The following FMO3 variants were observed in gnomAD, a reference collection of about 807,000 sequenced individuals.
The protein encoded by FMO3 is flavin-containing monooxygenase 3.
In FMO3, 40 loss-of-function variants were observed where a neutral mutation model predicts 39.4. That is an observed-to-expected ratio of 1.02 (90% CI 0.79 to 1.32). FMO3 has a LOEUF of 1.32. FMO3 is among the 40% of genes most tolerant of loss of function. The pLI is 0.00. For synonymous variants in FMO3, 219 were observed against 228.8 expected, an observed-to-expected ratio of 0.96 and a Z score of 0.39; for missense variants, 680 against 651.8, an observed-to-expected ratio of 1.04 and a Z score of -0.47.
chr1:171,096,025 A>ATATATTTATATATAATATATATT (rs1491256935), intron 2 of FMO3, among the ~76,000 whole-genome samples: 1 of 45,972 alleles, frequency 2.2e-5, no homozygotes, highest in Non-Finnish European at 3.6e-5. Flanking sequence ...ATTATATATT[A>ATATATTTATATATAATATATATT]ATATATAATA....
intron 8 of FMO3, 81 bp from the exon 9 acceptor site, chr1:171,117,019 T>C (rs1296641042): frequency 3.8e-6 from 4 of 1,050,296 alleles, no homozygotes; most frequent in Admixed American, 1.7e-5. Flanking sequence ...CTCACTGATA[T>C]AAAGTTGCGA....
At chr1:171,115,659 A>C (rs1268718114) in intron 7 of FMO3, among the ~76,000 whole-genome samples, 1 of 152,198 alleles carries the variant, frequency 6.6e-6, no homozygotes, top group Non-Finnish European at 1.5e-5. Flanking sequence ...GAACTCTGCA[A>C]ACTTATGTAA....
At chr1:171,093,421 C>T (rs1323725689) in intron 2 of FMO3, among the ~76,000 whole-genome samples, 1 of 151,568 alleles carries the variant, frequency 6.6e-6, no homozygotes, top group East Asian at 1.9e-4. Flanking sequence ...AGATAATGGC[C>T]TCCAGTCCCA....
Position 171,114,382 on chromosome 1 carries a change from C to A in FMO3, c.1183+20C>A. 6.4e-7 allele frequency: 1 copy of A among 1,553,886 alleles called. No homozygotes were observed. Among genetic ancestry groups the A allele is most frequent in the Non-Finnish European group, 8.9e-7 (1 of 1,127,314 alleles). ...TAAAGGGTAAGTCAATAAAGAGGCT[C>A]ATGGATTGCGAAGATGAATGCCAGT... On this transcript the variant is annotated intron_variant, in intron 7 of 8. Coordinates refer to ENST00000367755, the MANE Select transcript of FMO3 (RefSeq NM_001002294.3).
intron 8 of FMO3, 108 bp from the exon 9 acceptor site, chr1:171,116,992 A>C: frequency 1.2e-6 from 1 of 834,530 alleles, no homozygotes; most frequent in Non-Finnish European, 2.1e-6. Flanking sequence ...AGAAAGAGAG[A>C]GAGATTGATG....
chr1:171,103,143 G>A (rs1244968737), intron 2 of FMO3, among the ~76,000 whole-genome samples: 1 of 152,054 alleles, frequency 6.6e-6, no homozygotes, highest in Non-Finnish European at 1.5e-5. Flanking sequence ...GTTGAATTTT[G>A]AAAAATCTCT....
chr1:171,109,998 T>C (rs547120913), intron 5 of FMO3, among the ~76,000 whole-genome samples: 185 of 152,346 alleles, frequency 1.2e-3, no homozygotes, highest in Non-Finnish European at 2.1e-3. Context: ...TGACATTTAC[T>C]GAGCACATAC....
intron 3 of FMO3, among the ~76,000 whole-genome samples, chr1:171,106,385 C>T (rs1174924504): frequency 6.6e-6 from 1 of 152,156 alleles, no homozygotes. Flanking sequence ...GGTGATCTAC[C>T]TGCCTCACCC....
intron 2 of FMO3, chr1:171,100,883 T>C (rs956620922): frequency 1.2e-4 from 33 of 281,946 alleles, no homozygotes; most frequent in African/African-American, 5.6e-4. Flanking sequence ...TTTGCAAATA[T>C]AATTAAGTTA....
In FMO3 at chr1:171,108,148, A is replaced by G. The variant is rs1195125577; in HGVS notation, c.554A>G (p.Lys185Arg). The G allele has an allele frequency of 6.2e-7, 1 of 1,613,950 alleles. No homozygotes were observed. The highest frequency in any genetic ancestry group is 8.5e-7 in the Non-Finnish European group (1 of 1,179,906). Residue 185 changes from lysine (K) to arginine (R), a missense_variant, in exon 5 of 9, where the codon AAG becomes AGG. Physicochemically the swap from Lys to Arg is conservative, Grantham distance 26 (BLOSUM62 2). Coordinates refer to ENST00000367755, the MANE Select transcript of FMO3 (RefSeq NM_001002294.3). ...AAAGAACCAGGTGTATTCAATGGAA[A>G]GCGTGTCCTGGTGGTTGGCCTGGGG... is the stretch of plus-strand genomic sequence containing the variant. ...DYKEPGVFNG[K>R]RVLVVGLGNS...
At chr1:171,110,667 A>C (rs1655864297) in intron 5 of FMO3, 131 bp from the exon 6 acceptor site, 2 of 827,774 alleles carry the variant, frequency 2.4e-6, no homozygotes, top group East Asian at 2.5e-5. Context: ...CTGACAGCTG[A>C]GAGATGTCTT....
chr1:171,111,905 T>A (rs1655931264), intron 6 of FMO3, among the ~76,000 whole-genome samples: 1 of 152,170 alleles, frequency 6.6e-6, no homozygotes, highest in African/African-American at 2.4e-5. Context: ...CATATGGCGA[T>A]GTGTGCTTTG....
In FMO3 at chr1:171,108,011, C is replaced by G. The variant is rs1027240303; in HGVS notation, c.485-68C>G. The G allele has an allele frequency of 7.1e-6, 11 of 1,540,238 alleles. No individual in the cohort carries two copies. In the Admixed American group the frequency reaches 1.2e-4, roughly 16 times the overall value. ...TTGTGACTGCATCTATTCACAAGGT[C>G]GCTTCTGTTAAAGTCTTTGTTTAAA... On this transcript the variant is annotated intron_variant, in intron 4 of 8. Coordinates refer to ENST00000367755, the MANE Select transcript of FMO3 (RefSeq NM_001002294.3).
chr1:171,103,980 T>A lies in FMO3; in HGVS notation c.321+7T>A. ...GAAGTACATACAATTTAAGGTAAGATGTTATCAACAATTTAGCTCTTGTCA... is the reference window on the plus strand; with the variant it reads ...GAAGTACATACAATTTAAGGTAAGAAGTTATCAACAATTTAGCTCTTGTCA... On this transcript the variant is annotated splice_region_variant and intron_variant, in intron 3 of 8. Transcript: ENST00000367755. 1 of 1,596,926 alleles carries A rather than the reference T, an allele frequency of 6.3e-7. No homozygotes were observed. The highest frequency in any genetic ancestry group is 8.6e-7 in the Non-Finnish European group (1 of 1,164,788).
In FMO3 at chr1:171,103,916, G is replaced by A. The variant is rs895942955; in HGVS notation, c.264G>A (p.Gln88=). 20 of 1,613,714 alleles carry A rather than the reference G, an allele frequency of 1.2e-5. No homozygotes were observed. The highest frequency in any genetic ancestry group is 1.6e-5 in the Non-Finnish European group (19 of 1,179,880). The change falls in exon 3 of 9, where the codon CAG becomes CAA. Residue 88 remains glutamine, a synonymous_variant. Transcript: ENST00000367755. ...FPNFMHNSKI[Q]EYIIAFAKEK... ...ACTTTATGCACAACAGCAAGATCCA[G>A]GAATATATCATTGCATTTGCCAAAG...
chr1:171,092,805 G>T lies in FMO3; in HGVS notation c.132+15G>T, dbSNP rs1252896443. 5 of 1,613,538 alleles carry T rather than the reference G, an allele frequency of 3.1e-6. No homozygotes were observed. The South Asian group carries it at 5.5e-5, about 18-fold the overall frequency. On this transcript the variant is annotated intron_variant, in intron 2 of 8. Transcript: ENST00000367755. ...GGAAATTTTCAGTGAGTAGCATGTT[G>T]TTGTAATAGACAGGAAAATAGGTTG...
intron 2 of FMO3, among the ~76,000 whole-genome samples, chr1:171,102,429 C>T (rs1408750350): frequency 1.3e-5 from 2 of 152,116 alleles, no homozygotes; most frequent in Non-Finnish European, 2.9e-5. Context: ...ATGCTCCAAC[C>T]AGTATTTTTT....
At chr1:171,104,628 C>T (rs1392020676) in intron 3 of FMO3, among the ~76,000 whole-genome samples, 1 of 152,118 alleles carries the variant, frequency 6.6e-6, no homozygotes, top group Non-Finnish European at 1.5e-5. Context: ...AGTCCCAACA[C>T]TTTGGGAGGA....
At chr1:171,113,630 A>G in intron 6 of FMO3, among the ~76,000 whole-genome samples, 1 of 152,234 alleles carries the variant, frequency 6.6e-6, no homozygotes, top group South Asian at 2.1e-4. Flanking sequence ...AATTTAAAAA[A>G]CATAATCTCA....
Sources: gnomAD v4.1 joint callset for allele counts (sites outside exome capture counted in the v4.1 genomes callset) on GRCh38, gnomAD v4.1.1 for gene constraint, MANE v1.5 for transcripts, NCBI Gene and HGNC (gene_info 2026-07-23, HGNC 2026-07-21) for gene names.